The following ZNF678 variants were observed in gnomAD, a reference collection of about 807,000 sequenced individuals.
ZNF678 encodes the protein hypothetical protein MGC42493.
Under a neutral mutation model 3.0 loss-of-function variants are expected in ZNF678, and 5 were observed. The observed-to-expected ratio is 1.69, with a 90% CI of 0.88 to 3.56. The LOEUF is 3.56. ZNF678 is among the 30% of genes most tolerant of loss of function. ZNF678 has a pLI of 0.00. For synonymous variants in ZNF678, 218 were observed against 199.6 expected (o/e 1.09, Z -0.78); for missense variants, 593 against 605.0 (o/e 0.98, Z 0.21).
At chr1:227,647,749 G>A (rs1658993798) in intron 2 of ZNF678, among the ~76,000 whole-genome samples, 1 of 122,192 alleles carries the variant, frequency 8.2e-6, no homozygotes, top group Admixed American at 8.4e-5. Context: ...TTGAGGCAAA[G>A]TCCTCTTCAT....
rs1182716156 is a variant in ZNF678 at position 227,604,937 on chromosome 1, G to A, written c.-164+41213G>A. On this transcript the variant is annotated intron_variant, in intron 1 of 3. Transcript: ENST00000343776. ...GTGGTGCAATCTCCGCTCACTGCAA[G>A]CTCCGCCTCCCAGGTTCATGCCATT... is the stretch of plus-strand genomic sequence containing the variant. 2.0e-5 allele frequency among the ~76,000 whole-genome samples: 3 copies of A among 151,956 alleles called. No homozygotes were observed. In the East Asian group the frequency reaches 5.8e-4, roughly 29 times the overall value.
intron 1 of ZNF678, among the ~76,000 whole-genome samples, chr1:227,572,825 C>A (rs1333698763): frequency 6.6e-6 from 1 of 152,202 alleles, no homozygotes; most frequent in Non-Finnish European, 1.5e-5. Context: ...TCAGCTCTGG[C>A]AACAGAGGAC....
At chr1:227,571,994 A>G (rs566155428) in intron 1 of ZNF678, among the ~76,000 whole-genome samples, 1 of 152,234 alleles carries the variant, frequency 6.6e-6, no homozygotes, top group African/African-American at 2.4e-5. Context: ...GTGAGCCAAG[A>G]TCGCACCACT....
intron 1 of ZNF678, among the ~76,000 whole-genome samples, chr1:227,644,007 G>A (rs1434711539): frequency 1.3e-5 from 2 of 151,740 alleles, no homozygotes; most frequent in Admixed American, 1.3e-4. Flanking sequence ...GGGATTATAG[G>A]CTGCCACCAT....
At chr1:227,635,779 A>G (rs776812965) in intron 1 of ZNF678, among the ~76,000 whole-genome samples, 3 of 152,076 alleles carry the variant, frequency 2.0e-5, no homozygotes, top group Admixed American at 2.0e-4. Context: ...TGCTTCTGCT[A>G]TCTTGCCGGC....
intron 5 of ZNF678, among the ~76,000 whole-genome samples, chr1:227,673,653 C>A (rs934077666): frequency 1.3e-5 from 2 of 152,156 alleles, no homozygotes; most frequent in African/African-American, 4.8e-5. Flanking sequence ...TAAAACTATT[C>A]CTCTGGGTAG....
intron 1 of ZNF678, among the ~76,000 whole-genome samples, chr1:227,619,671 C>T (rs754639596): frequency 6.6e-5 from 10 of 152,076 alleles, no homozygotes; most frequent in Non-Finnish European, 1.3e-4. Context: ...CCCACCACGA[C>T]TGGCTAATTT....
chr1:227,643,488 AAT>A lies in ZNF678; in HGVS notation c.-163-3053_-163-3052del, dbSNP rs1223106339. Among the ~76,000 whole-genome samples the A allele has an allele frequency of 4.6e-5, 7 of 152,196 alleles. 2 individuals carry two copies. Among genetic ancestry groups the A allele is most frequent in the African/African-American group, 1.7e-4 (7 of 41,506 alleles). On this transcript the variant is annotated intron_variant, in intron 1 of 3. Coordinates refer to ENST00000343776, the MANE Select transcript of ZNF678 (RefSeq NM_001367909.1). ...TTCACCCTCTTCGAAACCTTGTCTA[AAT>A]ATGTTTCCACCCTGGCATTTCCCCT...
At chr1:227,576,690 C>G (rs764437207) in intron 1 of ZNF678, among the ~76,000 whole-genome samples, 26 of 152,048 alleles carry the variant, frequency 1.7e-4, no homozygotes, top group Non-Finnish European at 3.4e-4. Flanking sequence ...GAAAATGCCT[C>G]CAGGATTTGC....
intron 1 of ZNF678, among the ~76,000 whole-genome samples, chr1:227,604,443 T>C (rs1369519352): frequency 2.0e-5 from 3 of 152,190 alleles, no homozygotes; most frequent in Non-Finnish European, 4.4e-5. Flanking sequence ...TGGAGTGCAA[T>C]GGCATGCTTA....
In ZNF678 at chr1:227,674,747, C is replaced by T. The variant is rs142575752; in HGVS notation, c.227-2432C>T. Among the ~76,000 whole-genome samples the T allele has an allele frequency of 2.0e-3, 303 of 151,998 alleles. 3 individuals carry two copies. Among genetic ancestry groups the T allele is most frequent in the African/African-American group, 6.9e-3 (285 of 41,480 alleles). On this transcript the variant is annotated intron_variant, in intron 5 of 5. Coordinates refer to the ZNF678 transcript ENST00000608949. ...CCTTCCGAGTAGCTAGGATTACAGG[C>T]GCCTGCCATCACGCCCAGCTAATTT...
chr1:227,601,078 T>C (rs1427920451), intron 1 of ZNF678, among the ~76,000 whole-genome samples: 1 of 152,158 alleles, frequency 6.6e-6, no homozygotes, highest in Non-Finnish European at 1.5e-5. Flanking sequence ...ATCAGATGGT[T>C]GTGGGTGTCT....
intron 1 of ZNF678, among the ~76,000 whole-genome samples, chr1:227,602,047 G>A (rs1051425845): frequency 6.6e-6 from 1 of 152,054 alleles, no homozygotes; most frequent in Admixed American, 6.6e-5. Context: ...TTCTTACTTG[G>A]ATGTCCTTTA....
intron 1 of ZNF678, among the ~76,000 whole-genome samples, chr1:227,571,959 G>A (rs867910157): frequency 7.9e-5 from 12 of 152,190 alleles, no homozygotes; most frequent in African/African-American, 2.2e-4. Context: ...GGAGAATGGC[G>A]TGAACCTGGG....
chr1:227,594,141 G>A (rs1039257943), intron 1 of ZNF678, among the ~76,000 whole-genome samples: 1 of 152,086 alleles, frequency 6.6e-6, no homozygotes, highest in African/African-American at 2.4e-5. Flanking sequence ...GGACTTCATA[G>A]TCCTAAGTGC....
In ZNF678 at chr1:227,610,517, G is replaced by C. The variant is rs192131399; in HGVS notation, c.-163-36027G>C. ...ATACCCAGTGTAGTTCACCAGTCTTGTTGTGCCCATGAATGGACTTGGAGG... is the reference window on the plus strand; with the variant it reads ...ATACCCAGTGTAGTTCACCAGTCTTCTTGTGCCCATGAATGGACTTGGAGG... On this transcript the variant is annotated intron_variant, in intron 1 of 3. Transcript: ENST00000343776. Among the ~76,000 whole-genome samples the C allele has an allele frequency of 5.8e-4, 89 of 152,242 alleles. 2 individuals are homozygous for C. Among genetic ancestry groups the C allele is most frequent in the Admixed American group, 5.5e-3 (84 of 15,302 alleles).
chr1:227,591,453 C>T (rs1657411427), intron 1 of ZNF678, among the ~76,000 whole-genome samples: 1 of 152,136 alleles, frequency 6.6e-6, no homozygotes, highest in African/African-American at 2.4e-5. Context: ...GATAAATGTA[C>T]TTATTTTCTG....
intron 1 of ZNF678, among the ~76,000 whole-genome samples, chr1:227,583,403 G>C (rs1657183271): frequency 1.4e-5 from 2 of 141,864 alleles, no homozygotes; most frequent in African/African-American, 5.3e-5. Flanking sequence ...CCAGGCTGGA[G>C]TGCAGTGGCA....
At chr1:227,629,190 A>C (rs149363602) in intron 1 of ZNF678, among the ~76,000 whole-genome samples, 1 of 152,094 alleles carries the variant, frequency 6.6e-6, no homozygotes, top group African/African-American at 2.4e-5. Flanking sequence ...CCTCGGGTCT[A>C]AGGGGGTACT....
Sources: allele counts gnomAD v4.1 joint callset (sites outside exome capture counted in the v4.1 genomes callset), GRCh38; gene constraint gnomAD v4.1.1; transcripts MANE v1.5; gene names NCBI Gene and HGNC (gene_info 2026-07-23, HGNC 2026-07-21).